Variants in CLDN16 observed in about 807,000 individuals in gnomAD.
The protein encoded by CLDN16 is claudin-16.
A neutral mutation model predicts 24.6 loss-of-function variants in CLDN16; 13 were observed. The ratio of observed to expected loss-of-function variants is 0.53; its 90% CI spans 0.34 to 0.84. The LOEUF is 0.84. Among genes scored for constraint, CLDN16 ranks in the 40% least tolerant of loss-of-function variants. CLDN16 has a pLI of 0.01. For synonymous variants in CLDN16, 116 were observed against 106.7 expected (o/e 1.09, Z -0.54); for missense variants, 298 against 292.7 (o/e 1.02, Z -0.13).
chr3:190,322,310 G>T, upstream of CLDN16: 1 of 1,040,000 alleles, frequency 9.6e-7, no homozygotes, highest in Non-Finnish European at 1.4e-6. Context: ...GCCCCGCGGA[G>T]GAAGTTAAGG....
In CLDN16 at chr3:190,363,554, GTGTATATATATATATA is replaced by G. The variant is rs1391570326; in HGVS notation, n.122-7337_122-7322del. Among the ~76,000 whole-genome samples the G allele has an allele frequency of 1.4e-3, 113 of 81,352 alleles. 3 individuals carry two copies. The highest frequency in any genetic ancestry group is 2.6e-3 in the East Asian group (6 of 2,268). The allele number at this position is 81,352 out of a possible 152,430, so 53.4% of individuals were successfully genotyped here. A position where few individuals can be genotyped will look rare whatever the true frequency, so the allele number is the denominator to read the frequency against. ...CCAGTTGCTGTGCGTGTGTGTGTGT[GTGTATATATATATATA>G]TATATATATATATATATATATATAT... On this transcript the variant is annotated intron_variant and non_coding_transcript_variant, in intron 1 of 4. Transcript: ENST00000468220.
chr3:190,398,274 C>T (rs1718869598), intron 1 of CLDN16, among the ~76,000 whole-genome samples: 1 of 152,190 alleles, frequency 6.6e-6, no homozygotes, highest in Non-Finnish European at 1.5e-5. Flanking sequence ...ACTTTATTCT[C>T]TCACAGTTCT....
intron 1 of CLDN16, among the ~76,000 whole-genome samples, chr3:190,366,931 C>T (rs1718037464): frequency 6.6e-6 from 1 of 151,874 alleles, no homozygotes; most frequent in Admixed American, 6.6e-5. Context: ...CTGAGACCTC[C>T]AAAATTAAGA....
the CLDN16 span, among the ~76,000 whole-genome samples, chr3:190,310,788 GGAATACCT>G: frequency 1.3e-5 from 2 of 152,220 alleles, no homozygotes; most frequent in South Asian, 4.1e-4. Flanking sequence ...ATTGGCCAAG[GGAATACCT>G]GATATAGGTA....
intron 1 of CLDN16, among the ~76,000 whole-genome samples, chr3:190,345,579 G>A (rs111710637): frequency 0.03 from 4,507 of 152,134 alleles, 107 homozygotes; most frequent in East Asian, 0.082. Flanking sequence ...GCCTAGCTCC[G>A]TCTCTCTTTA....
At chr3:190,396,930 A>G (rs1308447993) in intron 1 of CLDN16, among the ~76,000 whole-genome samples, 1 of 152,164 alleles carries the variant, frequency 6.6e-6, no homozygotes, top group East Asian at 1.9e-4. Context: ...TGCCTTAAGG[A>G]ACCAAGTAGC....
intron 2 of CLDN16, among the ~76,000 whole-genome samples, chr3:190,402,893 T>C (rs1482720557): frequency 6.6e-6 from 1 of 151,866 alleles, no homozygotes; most frequent in Non-Finnish European, 1.5e-5. Flanking sequence ...AAAGAGAGAG[T>C]GGCAGAGGCA....
At chr3:190,408,247 C>A in intron 3 of CLDN16, 67 bp from the exon 4 acceptor site, 1 of 1,436,374 alleles carries the variant, frequency 7.0e-7, no homozygotes, top group Non-Finnish European at 9.8e-7. Context: ...GTGTAGTAAG[C>A]AGGTATTTTT....
chr3:190,320,779 C>CA (rs2108615669), upstream of CLDN16, among the ~76,000 whole-genome samples: 1 of 152,198 alleles, frequency 6.6e-6, no homozygotes, highest in Admixed American at 6.5e-5. Flanking sequence ...AGTGGGCAGT[C>CA]ACGTTCATCT....
At chr3:190,321,275 C>T (rs1360634967), upstream of CLDN16, among the ~76,000 whole-genome samples, 1 of 152,176 alleles carries the variant, frequency 6.6e-6, no homozygotes, top group East Asian at 1.9e-4. Flanking sequence ...TCCCCACCTG[C>T]CACCAACCTT....
chr3:190,355,852 A>G (rs1332124089), intron 1 of CLDN16, among the ~76,000 whole-genome samples: 6 of 151,822 alleles, frequency 4.0e-5, no homozygotes, highest in African/African-American at 9.7e-5. Flanking sequence ...TTTTAGGTCC[A>G]TACTTTGATT....
intron 1 of CLDN16, among the ~76,000 whole-genome samples, chr3:190,327,047 G>A (rs907929711): frequency 6.6e-6 from 1 of 152,102 alleles, no homozygotes; most frequent in Non-Finnish European, 1.5e-5. Flanking sequence ...TGTGTCTGTG[G>A]AGAGAGAGGA....
At chr3:190,317,575 A>G (rs1193844916), upstream of CLDN16, among the ~76,000 whole-genome samples, 3 of 152,252 alleles carry the variant, frequency 2.0e-5, no homozygotes, top group African/African-American at 4.8e-5. Flanking sequence ...AGAATCTACT[A>G]TCAATACCAG....
intron 3 of CLDN16, among the ~76,000 whole-genome samples, chr3:190,405,428 G>GAAAAAA (rs542527344): frequency 1.2e-5 from 1 of 81,148 alleles, no homozygotes; most frequent in Non-Finnish European, 2.3e-5. Context: ...CCGTCTCACG[G>GAAAAAA]AAAAAAAAAA....
chr3:190,361,690 C>A (rs1451963940), intron 1 of CLDN16, among the ~76,000 whole-genome samples: 3 of 151,714 alleles, frequency 2.0e-5, no homozygotes, highest in Non-Finnish European at 4.4e-5. Flanking sequence ...GCAGAGCTTC[C>A]CTTCTAACAA....
intron 1 of CLDN16, among the ~76,000 whole-genome samples, chr3:190,393,010 G>A (rs145584480): frequency 1.0e-3 from 152 of 152,232 alleles, no homozygotes; most frequent in African/African-American, 2.6e-3. Flanking sequence ...AGACCAGAAG[G>A]GAGACAATAG....
At chr3:190,319,152 A>C (rs1289020713), upstream of CLDN16, among the ~76,000 whole-genome samples, 1 of 152,174 alleles carries the variant, frequency 6.6e-6, no homozygotes, top group Non-Finnish European at 1.5e-5. Flanking sequence ...AAGTAAGAAG[A>C]AGCATTTAAG....
rs146457119 is a variant in CLDN16, at chr3:190,351,932, G to A, written n.122-18961G>A. Reference sequence around the variant, plus strand: ...AGTTAAACTGGACCATTTTCTCCCAGATATAAATCAGAATATCAGGGAGAG... The same window carrying A: ...AGTTAAACTGGACCATTTTCTCCCAAATATAAATCAGAATATCAGGGAGAG... On this transcript the variant is annotated intron_variant and non_coding_transcript_variant, in intron 1 of 4. Coordinates refer to the CLDN16 transcript ENST00000468220. Among the ~76,000 whole-genome samples, 249 of 152,168 alleles carry A rather than the reference G, an allele frequency of 1.6e-3. 2 individuals carry two copies. The highest frequency in any genetic ancestry group is 4.9e-3 in the African/African-American group (202 of 41,536).
At chr3:190,401,178 T>C (rs534555115) in intron 1 of CLDN16, among the ~76,000 whole-genome samples, 192 of 152,256 alleles carry the variant, frequency 1.3e-3, no homozygotes, top group African/African-American at 2.8e-3. Flanking sequence ...AGAATTTTAT[T>C]TGGCACATAA....
Sources: allele counts gnomAD v4.1 joint callset (sites outside exome capture counted in the v4.1 genomes callset), GRCh38; gene constraint gnomAD v4.1.1; transcripts MANE v1.5; gene names NCBI Gene and HGNC (gene_info 2026-07-23, HGNC 2026-07-21).